Variants in FGD5 observed in about 807,000 individuals in gnomAD.
FGD5 encodes FYVE, RhoGEF and PH domain containing 5, also known as FYVE, RhoGEF and PH domain-containing protein 5.
A neutral mutation model predicts 133.4 loss-of-function variants in FGD5; 28 were observed. The observed-to-expected ratio is 0.21, with a 90% confidence interval of 0.16 to 0.29. FGD5 has a LOEUF of 0.29. FGD5 is among the 10% of genes least tolerant of loss of function. The pLI is 1.00. For missense variants in FGD5, 1,858 were observed against 1,895.2 expected, an observed-to-expected ratio of 0.98 and a Z score of 0.36; for synonymous variants, 810 against 776.5, an observed-to-expected ratio of 1.04 and a Z score of -0.72.
intron 4 of FGD5, among the ~76,000 whole-genome samples, chr3:14,889,492 C>T (rs1389455167): frequency 6.6e-6 from 1 of 152,130 alleles, no homozygotes; most frequent in African/African-American, 2.4e-5. Flanking sequence ...GGATGGCTTT[C>T]CAGTTTTAGA....
At chr3:14,900,872 T>C (rs953733906) in intron 8 of FGD5, 131 bp from the exon 9 acceptor site, 5 of 954,616 alleles carry the variant, frequency 5.2e-6, no homozygotes, top group Non-Finnish European at 8.4e-6. Flanking sequence ...ATGACAGTGG[T>C]CAAATCACTG....
intron 10 of FGD5, among the ~76,000 whole-genome samples, chr3:14,910,292 C>T (rs938544187): frequency 2.6e-5 from 4 of 152,188 alleles, no homozygotes; most frequent in Non-Finnish European, 5.9e-5. Context: ...CAACGCTTGT[C>T]AACTTGGCAC....
At chr3:14,874,725 C>T (rs2125112852) in intron 2 of FGD5, among the ~76,000 whole-genome samples, 1 of 152,310 alleles carries the variant, frequency 6.6e-6, no homozygotes, top group Middle Eastern at 3.4e-3. Flanking sequence ...TCAGGGTGTT[C>T]CAAGATAGCA....
intron 1 of FGD5, among the ~76,000 whole-genome samples, chr3:14,813,578 T>C (rs913962170): frequency 6.6e-6 from 1 of 152,216 alleles, no homozygotes. Context: ...GAAGATGGGA[T>C]GTCAGAGGGT....
chr3:14,928,517 G>C (rs922471406), intron 18 of FGD5, among the ~76,000 whole-genome samples: 38 of 152,294 alleles, frequency 2.5e-4, no homozygotes, highest in Admixed American at 2.5e-3. Flanking sequence ...GGCTGAGGCA[G>C]GAGGATCACT....
In FGD5 at chr3:14,933,436, C is replaced by T. The variant is rs960092266; in HGVS notation, c.*269C>T. On this transcript the variant is annotated 3_prime_UTR_variant, in exon 20 of 20. Coordinates refer to ENST00000285046, the MANE Select transcript of FGD5 (RefSeq NM_152536.4). Reference sequence around the variant, plus strand: ...CCAGTAATAAACTATTTCCTTACCCCGCAGTGAGTTAAAATTTAGTAAGAT... The same window carrying T: ...CCAGTAATAAACTATTTCCTTACCCTGCAGTGAGTTAAAATTTAGTAAGAT... The T allele has an allele frequency of 1.1e-5, 5 of 435,360 alleles. No homozygotes were observed. The highest frequency in any genetic ancestry group is 7.0e-5 in the South Asian group (2 of 28,410). The allele number at this position is 435,360 out of a possible 1,614,324, so 27.0% of individuals were successfully genotyped here.
At chr3:14,876,650 C>G (rs1235000149) in intron 2 of FGD5, among the ~76,000 whole-genome samples, 2 of 152,156 alleles carry the variant, frequency 1.3e-5, no homozygotes, top group African/African-American at 4.8e-5. Context: ...CTGGATTCAC[C>G]TATCCACTTC....
chr3:14,921,633 A>G (rs1262570748), intron 13 of FGD5, among the ~76,000 whole-genome samples: 1 of 152,158 alleles, frequency 6.6e-6, no homozygotes, highest in Non-Finnish European at 1.5e-5. Flanking sequence ...AATGTTGACA[A>G]TGTGGTTCCA....
chr3:14,855,915 CTG>C (rs1022739836), intron 1 of FGD5, among the ~76,000 whole-genome samples: 1 of 151,928 alleles, frequency 6.6e-6, no homozygotes, highest in African/African-American at 2.4e-5. Flanking sequence ...CTTTTGTTGC[CTG>C]TGTTTTTGAG....
chr3:14,875,367 G>A lies in FGD5; in HGVS notation c.2659-5205G>A, dbSNP rs1013708278. On this transcript the variant is annotated intron_variant, in intron 2 of 19. Coordinates refer to ENST00000285046, the MANE Select transcript of FGD5 (RefSeq NM_152536.4). ...AGAGGCTGGCGCATACGGGGCATCG[G>A]GGGCACCTCAGATGTAGCCTGTGAC... Among the ~76,000 whole-genome samples the A allele has an allele frequency of 1.2e-4, 18 of 152,188 alleles. No homozygotes were observed. In the Middle Eastern group the frequency reaches 0.013, roughly 108 times the overall value.
At position 14,819,206 on chromosome 3, in the gene FGD5, G is replaced by C; in HGVS notation, c.135G>C (p.Gly45=). The change falls in exon 1 of 20, where the codon GGG becomes GGC. Residue 45 remains glycine, a synonymous_variant. Transcript: ENST00000285046. This position sits in a 1 kb window ranked among gnomAD's most constrained non-coding sequence, Gnocchi z 4.1. ...SNGRLPCVDR[G]LDEGPRSIPK... is the part of the protein sequence containing the mutation. ...GGCGGCTGCCCTGTGTAGACAGGGG[G>C]CTTGATGAGGGGCCCCGGTCCATCC... The C allele has an allele frequency of 6.5e-7, 1 of 1,550,106 alleles. No homozygotes were observed. The highest frequency in any genetic ancestry group is 1.2e-5 in the South Asian group (1 of 83,690).
Position 14,922,172 on chromosome 3 carries a change from C to A in FGD5, c.3669+155C>A. The A allele has an allele frequency of 1.0e-6, 1 of 982,474 alleles. No homozygotes were observed. Among genetic ancestry groups the A allele is most frequent in the Non-Finnish European group, 1.5e-6 (1 of 662,900 alleles). 60.9% of individuals were successfully genotyped at this position (982,474 alleles called of 1,614,324 possible). ...ACCCCTGCCATGCTCCCACCCTAGT[C>A]AGGGGCGGCCTCCGTGTAACCTAGG... is the stretch of plus-strand genomic sequence containing the variant. On this transcript the variant is annotated intron_variant, in intron 14 of 19. Transcript: ENST00000285046. This position sits in a 1 kb window ranked among gnomAD's most constrained non-coding sequence, Gnocchi z 4.1.
At chr3:14,874,587 A>G (rs1317567777) in intron 2 of FGD5, among the ~76,000 whole-genome samples, 1 of 152,162 alleles carries the variant, frequency 6.6e-6, no homozygotes, top group African/African-American at 2.4e-5. Context: ...CTACTGTTCA[A>G]CAAAGTTTCA....
At chr3:14,893,141 GAGAA>G (rs1314052509) in intron 4 of FGD5, among the ~76,000 whole-genome samples, 3 of 152,120 alleles carry the variant, frequency 2.0e-5, no homozygotes, top group South Asian at 2.1e-4. Flanking sequence ...TTTTTCTTGT[GAGAA>G]AGAAATCTTT....
At chr3:14,814,566 C>A (rs73814117), upstream of FGD5, among the ~76,000 whole-genome samples, 7,068 of 152,132 alleles carry the variant, frequency 0.046, 544 homozygotes, top group African/African-American at 0.16. Flanking sequence ...CTGGCTGGGG[C>A]CCCCAGAGCT....
chr3:14,872,430 G>A (rs558630986), intron 2 of FGD5, among the ~76,000 whole-genome samples: 1 of 152,144 alleles, frequency 6.6e-6, no homozygotes, highest in Non-Finnish European at 1.5e-5. Context: ...CATGGGCTGG[G>A]AAGTATAGCC....
At chr3:14,902,602 C>A (rs895365763) in intron 9 of FGD5, among the ~76,000 whole-genome samples, 1 of 152,186 alleles carries the variant, frequency 6.6e-6, no homozygotes. Flanking sequence ...GTGGGTCAGA[C>A]ATGCCCTTTT....
At chr3:14,811,223 C>G (rs2036288658) in intron 1 of FGD5, 1 of 152,256 alleles carries the variant, frequency 6.6e-6, no homozygotes, top group South Asian at 2.1e-4. Flanking sequence ...GGCCCCAAAA[C>G]CTTTGCCCTC....
chr3:14,865,346 T>C (rs2037475050), intron 2 of FGD5, among the ~76,000 whole-genome samples: 1 of 152,208 alleles, frequency 6.6e-6, no homozygotes, highest in Non-Finnish European at 1.5e-5. Flanking sequence ...TTACCAAGCA[T>C]TGGCCAAATG....
Sources: gnomAD v4.1 joint callset for allele counts (sites outside exome capture counted in the v4.1 genomes callset) on GRCh38, gnomAD v4.1.1 for gene constraint, Gnocchi (gnomAD v3.1) non-coding constraint, MANE v1.5 for transcripts, NCBI Gene and HGNC (gene_info 2026-07-23, HGNC 2026-07-21) for gene names.